Variants in LRRC4C observed in about 807,000 individuals in gnomAD.
LRRC4C encodes leucine-rich repeat-containing protein 4C.
In LRRC4C, 5 loss-of-function variants were observed where a neutral mutation model predicts 33.6. The observed-to-expected ratio is 0.15, with a 90% CI of 0.08 to 0.31. The LOEUF (loss-of-function observed/expected upper bound fraction) is 0.31, where lower values mean the gene tolerates loss of function less well. LRRC4C is among the 10% of genes least tolerant of loss of function. The probability of loss-of-function intolerance (pLI) is 1.00; values close to 1 mark genes in which losing one functional copy is unlikely to be tolerated. For synonymous variants in LRRC4C, 329 were observed against 302.0 expected, an observed-to-expected ratio of 1.09 and a Z score of -0.93; for missense variants, 560 against 796.7, an observed-to-expected ratio of 0.70 and a Z score of 3.58.
intron 3 of LRRC4C, among the ~76,000 whole-genome samples, chr11:40,504,475 TC>T (rs1954935507): frequency 6.6e-6 from 1 of 151,648 alleles, no homozygotes; most frequent in Non-Finnish European, 1.5e-5. Flanking sequence ...GAGGCATCTG[TC>T]CTCCAAGTGG....
intron 1 of LRRC4C, among the ~76,000 whole-genome samples, chr11:41,089,582 C>T (rs1940251135): frequency 1.3e-5 from 2 of 151,198 alleles, no homozygotes; most frequent in South Asian, 4.1e-4. Context: ...ATTGCTAAAT[C>T]TATAATTTTT....
intron 1 of LRRC4C, among the ~76,000 whole-genome samples, chr11:41,099,034 C>G (rs61878578): frequency 0.1 from 15,568 of 152,028 alleles, 809 homozygotes; most frequent in African/African-American, 0.13. Flanking sequence ...ATAGAAACAA[C>G]AATCAGAGAC....
At chr11:40,208,981 T>TGTGTG (rs1863375630) in intron 5 of LRRC4C, among the ~76,000 whole-genome samples, 3 of 37,088 alleles carry the variant, frequency 8.1e-5, no homozygotes, top group Admixed American at 2.7e-4. Context: ...GTGTGTGTGT[T>TGTGTG]TCTTCCTGAG....
At chr11:40,565,913 G>C (rs545550331) in intron 3 of LRRC4C, among the ~76,000 whole-genome samples, 213 of 152,044 alleles carry the variant, frequency 1.4e-3, no homozygotes, top group African/African-American at 4.8e-3. Flanking sequence ...TAGTTAGAAA[G>C]TACTTAATAT....
At chr11:41,028,463 T>A (rs180942918) in intron 1 of LRRC4C, among the ~76,000 whole-genome samples, 1 of 151,604 alleles carries the variant, frequency 6.6e-6, no homozygotes, top group Non-Finnish European at 1.5e-5. Context: ...ATTATTGCAA[T>A]TTCATTTTCT....
intron 3 of LRRC4C, among the ~76,000 whole-genome samples, chr11:40,635,610 A>C (rs1963876485): frequency 6.6e-6 from 1 of 151,756 alleles, no homozygotes; most frequent in Admixed American, 6.6e-5. Flanking sequence ...TTCACTCCAG[A>C]AATTGAAAAA....
intron 3 of LRRC4C, among the ~76,000 whole-genome samples, chr11:40,336,331 T>G (rs904404719): frequency 6.6e-6 from 1 of 152,088 alleles, no homozygotes; most frequent in African/African-American, 2.4e-5. Context: ...GAAAGTGATG[T>G]GCACTATTTT....
At position 40,734,827 on chromosome 11, in the gene LRRC4C, G is replaced by A. The variant is rs1251963315; in HGVS notation, c.-406-86549C>T. Among the ~76,000 whole-genome samples the A allele has an allele frequency of 1.2e-4, 19 of 152,270 alleles. 1 individual carries two copies. The East Asian group carries it at 3.7e-3, about 29-fold the overall frequency. On this transcript the variant is annotated intron_variant, in intron 2 of 6. Coordinates refer to ENST00000528697, the MANE Select transcript of LRRC4C (RefSeq NM_001258419.2). ...AAGGAATACCTAAAGAAGTAGCACA[G>A]CATTATTTTAGGGTGTGTCTGTGAG...
intron 1 of LRRC4C, among the ~76,000 whole-genome samples, chr11:41,162,031 C>T (rs1427008209): frequency 1.3e-5 from 2 of 152,118 alleles, no homozygotes; most frequent in South Asian, 2.1e-4. Flanking sequence ...ATAGTCTTGG[C>T]TTATCTGGCG....
intron 1 of LRRC4C, among the ~76,000 whole-genome samples, chr11:41,161,045 A>G: frequency 6.6e-6 from 1 of 152,210 alleles, no homozygotes; most frequent in East Asian, 1.9e-4. Flanking sequence ...ACAGAGCAGC[A>G]GTTCTGTAGA....
chr11:41,195,028 A>AG (rs1946122366), intron 1 of LRRC4C, among the ~76,000 whole-genome samples: 1 of 151,918 alleles, frequency 6.6e-6, no homozygotes, highest in Non-Finnish European at 1.5e-5. Context: ...AAAAAAAAAA[A>AG]CTGATGCTTT....
intron 1 of LRRC4C, among the ~76,000 whole-genome samples, chr11:41,033,366 G>A (rs1279618525): frequency 4.0e-5 from 6 of 151,852 alleles, no homozygotes; most frequent in East Asian, 1.9e-4. Context: ...TAAAAGAAAC[G>A]GGTCAATAAG....
intron 3 of LRRC4C, among the ~76,000 whole-genome samples, chr11:40,473,073 A>G (rs1029595620): frequency 1.3e-5 from 2 of 152,200 alleles, no homozygotes; most frequent in African/African-American, 2.4e-5. Context: ...CCAAACAAAG[A>G]AAAACAGGGG....
At chr11:41,437,894 T>C (rs1384549134) in intron 1 of LRRC4C, among the ~76,000 whole-genome samples, 1 of 151,846 alleles carries the variant, frequency 6.6e-6, no homozygotes, top group Non-Finnish European at 1.5e-5. Context: ...AAAAATTAGC[T>C]GGGCGTGGTT....
At chr11:41,404,616 C>T (rs929144324) in intron 1 of LRRC4C, among the ~76,000 whole-genome samples, 2 of 151,576 alleles carry the variant, frequency 1.3e-5, no homozygotes, top group African/African-American at 4.8e-5. Flanking sequence ...GTGTTTGGAA[C>T]TAAATCAAGA....
At chr11:41,307,371 C>A (rs1950534630) in intron 1 of LRRC4C, among the ~76,000 whole-genome samples, 1 of 152,168 alleles carries the variant, frequency 6.6e-6, no homozygotes, top group Non-Finnish European at 1.5e-5. Flanking sequence ...GCTTTCTTGT[C>A]TTCCATAGTG....
At chr11:40,441,131 G>A (rs982582703) in intron 3 of LRRC4C, among the ~76,000 whole-genome samples, 2 of 152,024 alleles carry the variant, frequency 1.3e-5, no homozygotes, top group African/African-American at 4.8e-5. Flanking sequence ...TGTAGTCTTC[G>A]GGAATCAGTC....
At chr11:41,303,145 G>C (rs550347896) in intron 1 of LRRC4C, among the ~76,000 whole-genome samples, 6 of 120,620 alleles carry the variant, frequency 5.0e-5, no homozygotes, top group African/African-American at 1.2e-4. Context: ...CCTCTCATGC[G>C]GAGCCGAAGC....
rs565111602 is a variant in LRRC4C at position 40,821,270 on chromosome 11, A to AT, written c.-407+112364dup. ...AACTCTACCAAAATTCCCATGCACT[A>AT]TTTTTTGGGGAAATTGACCAACTGC... On this transcript the variant is annotated intron_variant, in intron 2 of 6. Transcript: ENST00000528697. 1.8e-4 allele frequency among the ~76,000 whole-genome samples: 28 copies of AT among 151,768 alleles called. No individual in the cohort carries two copies. In the South Asian group the frequency reaches 5.0e-3, roughly 27 times the overall value.
Sources: gnomAD v4.1 joint callset for allele counts (sites outside exome capture counted in the v4.1 genomes callset) on GRCh38, gnomAD v4.1.1 for gene constraint, MANE v1.5 for transcripts, NCBI Gene and HGNC (gene_info 2026-07-23, HGNC 2026-07-21) for gene names.